The following CREBBP variants were observed in gnomAD, a reference collection of about 807,000 sequenced individuals.
The protein encoded by CREBBP is CREB-binding protein.
CREBBP carries 19 observed loss-of-function variants against 265.0 expected under a neutral mutation model. The ratio of observed to expected loss-of-function variants is 0.07; its 90% CI spans 0.05 to 0.11. CREBBP has a LOEUF of 0.11. CREBBP is among the 10% of genes least tolerant of loss of function. The pLI is 1.00. For synonymous variants in CREBBP, 1,457 were observed against 1,223.7 expected (o/e 1.19, Z -3.98); for missense variants, 2,525 against 3,219.0 (o/e 0.78, Z 5.22).
intron 1 of CREBBP, among the ~76,000 whole-genome samples, chr16:3,877,885 G>A (rs2055436453): frequency 6.6e-6 from 1 of 152,204 alleles, no homozygotes; most frequent in Non-Finnish European, 1.5e-5. Context: ...CCACGAAAGA[G>A]CCCCTGTGCC....
chr16:3,761,180 C>T (rs915378123), intron 16 of CREBBP, among the ~76,000 whole-genome samples: 1 of 151,900 alleles, frequency 6.6e-6, no homozygotes, highest in South Asian at 2.1e-4. Context: ...TCTCGAACTC[C>T]TGACCTCAGG....
Position 3,777,665 on chromosome 16 carries a change from G to T in CREBBP, c.2114-8C>A, listed in dbSNP as rs2053176478. On this transcript the variant is annotated splice_region_variant and splice_polypyrimidine_tract_variant and intron_variant, in intron 10 of 30. Coordinates refer to ENST00000262367, the MANE Select transcript of CREBBP (RefSeq NM_004380.3). The stretch of plus-strand genomic sequence containing the variant: ...GCAGGGACAGGGGTCCATCTATGGT[G>T]GCAAAACAAAAACAAAAACAAAACC... 6.2e-7 allele frequency: 1 copy of T among 1,613,910 alleles called. No individual in the cohort carries two copies. The highest frequency in any genetic ancestry group is 1.3e-5 in the African/African-American group (1 of 75,034).
chr16:3,796,098 T>A (rs748946656), intron 3 of CREBBP, among the ~76,000 whole-genome samples: 10 of 152,144 alleles, frequency 6.6e-5, no homozygotes, highest in Non-Finnish European at 1.2e-4. Context: ...CACACAGTTG[T>A]CCTCTCACTG....
intron 1 of CREBBP, among the ~76,000 whole-genome samples, chr16:3,853,037 G>A (rs2054886022): frequency 2.0e-5 from 3 of 151,754 alleles, no homozygotes; most frequent in African/African-American, 7.3e-5. Context: ...CTATACTGGG[G>A]CTGCCCACAC....
chr16:3,826,246 T>C (rs1035448106), intron 2 of CREBBP, among the ~76,000 whole-genome samples: 1 of 152,158 alleles, frequency 6.6e-6, no homozygotes, highest in Non-Finnish European at 1.5e-5. Context: ...ACATATCATG[T>C]AAAAGACACT....
At chr16:3,737,438 C>A (rs1212191774) in intron 26 of CREBBP, among the ~76,000 whole-genome samples, 1 of 151,338 alleles carries the variant, frequency 6.6e-6, no homozygotes, top group East Asian at 1.9e-4. Context: ...GCAGGAGGAA[C>A]ATTTTTTTTC....
At chr16:3,854,164 C>CA (rs1298835920) in intron 1 of CREBBP, among the ~76,000 whole-genome samples, 1 of 152,154 alleles carries the variant, frequency 6.6e-6, no homozygotes, top group Non-Finnish European at 1.5e-5. Context: ...ATAAGCCCAC[C>CA]ACCACGATCA....
At position 3,846,410 on chromosome 16, in the gene CREBBP, G is replaced by C. The variant is rs117175982; in HGVS notation, c.798+3887C>G. Among the ~76,000 whole-genome samples the C allele has an allele frequency of 1.9e-3, 297 of 152,310 alleles. 9 individuals are homozygous for C. In the East Asian group the frequency reaches 0.052, roughly 27 times the overall value. On this transcript the variant is annotated intron_variant, in intron 2 of 30. Coordinates refer to ENST00000262367, the MANE Select transcript of CREBBP (RefSeq NM_004380.3). ...AAGAGTATCTGAGATTATCTATGCT[G>C]ATTTAAAATCTCAGTATCTTTTAAT...
chr16:3,814,225 G>C (rs1596991379), intron 2 of CREBBP, among the ~76,000 whole-genome samples: 2 of 58,936 alleles, frequency 3.4e-5, no homozygotes, highest in East Asian at 1.6e-3. Context: ...CTGTGTGTGT[G>C]TGTGTGTGTG....
At chr16:3,856,866 C>T (rs2054974472) in intron 1 of CREBBP, among the ~76,000 whole-genome samples, 1 of 152,206 alleles carries the variant, frequency 6.6e-6, no homozygotes, top group South Asian at 2.1e-4. Context: ...TCCCTAAGCA[C>T]TCTTCCTAGG....
At chr16:3,748,201 C>T (rs1400717783) in intron 21 of CREBBP, among the ~76,000 whole-genome samples, 3 of 151,920 alleles carry the variant, frequency 2.0e-5, no homozygotes, top group Non-Finnish European at 2.9e-5. Flanking sequence ...TTGCTTGAAT[C>T]TGGGAGGCGG....
At chr16:3,879,253 C>T (rs867064885) in intron 1 of CREBBP, among the ~76,000 whole-genome samples, 1 of 62,856 alleles carries the variant, frequency 1.6e-5, no homozygotes, top group African/African-American at 4.0e-5. Context: ...CACACACACA[C>T]ACACACACAA....
intron 3 of CREBBP, among the ~76,000 whole-genome samples, chr16:3,798,203 C>T (rs1340278483): frequency 6.6e-6 from 1 of 152,158 alleles, no homozygotes; most frequent in African/African-American, 2.4e-5. Context: ...AACACTTCAA[C>T]GTAAGAGTGA....
At chr16:3,798,827 T>A (rs2053657024) in intron 3 of CREBBP, among the ~76,000 whole-genome samples, 1 of 152,198 alleles carries the variant, frequency 6.6e-6, no homozygotes, top group Admixed American at 6.5e-5. Context: ...CAATTCCTAT[T>A]TTAGGTATAC....
chr16:3,756,678 T>C (rs2052593705), intron 19 of CREBBP, among the ~76,000 whole-genome samples: 1 of 152,202 alleles, frequency 6.6e-6, no homozygotes, highest in African/African-American at 2.4e-5. Flanking sequence ...CATGGACCCT[T>C]TTCCTCTGCC....
chr16:3,787,849 G>GT (rs2053422317), intron 5 of CREBBP, among the ~76,000 whole-genome samples: 1 of 152,078 alleles, frequency 6.6e-6, no homozygotes, highest in Admixed American at 6.6e-5. Flanking sequence ...CTAATTATTT[G>GT]TATTTTAGTA....
chr16:3,772,302 A>T (rs746846956), intron 13 of CREBBP, among the ~76,000 whole-genome samples: 23 of 133,382 alleles, frequency 1.7e-4, no homozygotes, highest in South Asian at 4.4e-4. Flanking sequence ...TTAAAAATTT[A>T]AAAAAAAAAT....
intron 11 of CREBBP, among the ~76,000 whole-genome samples, chr16:3,776,248 C>T (rs2053135732): frequency 6.6e-6 from 1 of 152,116 alleles, no homozygotes; most frequent in Admixed American, 6.6e-5. Flanking sequence ...AAAATCAAAG[C>T]CTGAGCAAAG....
rs373607295 is a variant in CREBBP at position 3,728,037 on chromosome 16, G to A, written c.7010C>T (p.Thr2337Met). The A allele has an allele frequency of 9.3e-6, 15 of 1,612,274 alleles. No individual in the cohort carries two copies. The highest frequency in any genetic ancestry group is 2.2e-5 in the East Asian group (1 of 44,862). The change falls in exon 31 of 31, where the codon ACG becomes ATG. Residue 2337 changes from threonine (T) to methionine (M), a missense_variant. By Grantham distance (81) the Thr-to-Met change is moderately conservative. This residue lies in a region of CREBBP where 473 missense variants were observed against 459.3 expected (regional missense o/e 1.03). Coordinates refer to ENST00000262367, the MANE Select transcript of CREBBP (RefSeq NM_004380.3). This position sits in a 1 kb window ranked among gnomAD's most constrained non-coding sequence, Gnocchi z 8.7. The stretch of plus-strand genomic sequence containing the variant: ...AGACCGCACCTGGTTACTAAGGGAC[G>A]TGGCGATCTGCTGGCCAGGGAGATG... Reference protein sequence around the residue: ...ASHLPGQQIATSLSNQVRSPA... With the variant: ...ASHLPGQQIAMSLSNQVRSPA...
Sources: gnomAD v4.1 joint callset for allele counts (sites outside exome capture counted in the v4.1 genomes callset) on GRCh38, gnomAD v4.1.1 for gene constraint, gnomAD v4.1.1 regional missense constraint, Gnocchi (gnomAD v3.1) non-coding constraint, MANE v1.5 for transcripts, NCBI Gene and HGNC (gene_info 2026-07-23, HGNC 2026-07-21) for gene names.